Variants in FAM193A observed in about 807,000 individuals in gnomAD.
FAM193A encodes the protein protein FAM193A.
FAM193A carries 22 observed loss-of-function variants against 126.5 expected under a neutral mutation model. The observed-to-expected ratio is 0.17, with a 90% CI of 0.12 to 0.25. The LOEUF (loss-of-function observed/expected upper bound fraction) is 0.25, where lower values mean the gene tolerates loss of function less well. Ranked by LOEUF, FAM193A falls within the 10% of genes least tolerant of loss-of-function variation. The pLI is 1.00. For missense variants in FAM193A, 1,675 were observed against 1,672.8 expected (o/e 1.00, Z -0.02); for synonymous variants, 761 against 646.8 (o/e 1.18, Z -2.68).
At chr4:2,594,206 C>T (rs1740721743) in intron 1 of FAM193A, among the ~76,000 whole-genome samples, 1 of 152,194 alleles carries the variant, frequency 6.6e-6, no homozygotes, top group African/African-American at 2.4e-5. Context: ...TTTATACATT[C>T]AGCCCCTTGT....
rs548458505 is a variant in FAM193A, at chr4:2,651,174, T to C, written c.1311+4342T>C. On this transcript the variant is annotated intron_variant, in intron 7 of 20. Transcript: ENST00000637812. Reference sequence around the variant, plus strand: ...GGAGAAACCCCGTCTCTACTAAAAATACAAAATTAGCCGAGCGTGGTGGCA... The same window carrying C: ...GGAGAAACCCCGTCTCTACTAAAAACACAAAATTAGCCGAGCGTGGTGGCA... Among the ~76,000 whole-genome samples, 41 of 152,162 alleles carry C rather than the reference T, an allele frequency of 2.7e-4. 1 individual carries two copies. In the South Asian group the frequency reaches 7.3e-3, roughly 27 times the overall value.
chr4:2,655,582 C>G (rs1404614368), intron 7 of FAM193A, among the ~76,000 whole-genome samples: 1 of 152,086 alleles, frequency 6.6e-6, no homozygotes, highest in Non-Finnish European at 1.5e-5. Context: ...GGCTCAAGCT[C>G]TCCTCCCACT....
intron 1 of FAM193A, among the ~76,000 whole-genome samples, chr4:2,571,369 G>T (rs371156366): frequency 6.6e-6 from 1 of 152,112 alleles, no homozygotes; most frequent in Non-Finnish European, 1.5e-5. Flanking sequence ...CCAGCAGCTC[G>T]GAGACTGGTA....
rs565008953 is a variant in FAM193A at position 2,639,497 on chromosome 4, C to A, written c.1039-238C>A. Among the ~76,000 whole-genome samples the A allele has an allele frequency of 1.6e-4, 25 of 152,136 alleles. No individual in the cohort carries two copies. The East Asian group carries it at 4.6e-3, about 28-fold the overall frequency. ...GTCTTTGCAGCCCTTCTAAACTTGCCATTTTAGAGGGGAGATGTGCTGAAA... is the reference window on the plus strand; with the variant it reads ...GTCTTTGCAGCCCTTCTAAACTTGCAATTTTAGAGGGGAGATGTGCTGAAA... On this transcript the variant is annotated intron_variant, in intron 5 of 20. Coordinates refer to ENST00000637812, the MANE Select transcript of FAM193A (RefSeq NM_001366318.2).
chr4:2,642,344 G>A (rs1357687536), intron 6 of FAM193A, among the ~76,000 whole-genome samples: 1 of 152,020 alleles, frequency 6.6e-6, no homozygotes, highest in Non-Finnish European at 1.5e-5. Flanking sequence ...GTTACGGGGC[G>A]TGTGGCCAGC....
At chr4:2,695,827 G>C (rs1294066119) in intron 17 of FAM193A, among the ~76,000 whole-genome samples, 2 of 152,134 alleles carry the variant, frequency 1.3e-5, no homozygotes, top group Non-Finnish European at 2.9e-5. Flanking sequence ...GCAGCACTTT[G>C]GGAGGCTAAG....
intron 5 of FAM193A, among the ~76,000 whole-genome samples, chr4:2,636,068 A>G (rs978707045): frequency 6.9e-6 from 1 of 144,518 alleles, no homozygotes; most frequent in South Asian, 2.2e-4. Context: ...GTTTTTTTTG[A>G]GACAGAGTCT....
chr4:2,714,912 AC>A (rs1226647962), intron 19 of FAM193A, among the ~76,000 whole-genome samples: 1 of 151,390 alleles, frequency 6.6e-6, no homozygotes, highest in Non-Finnish European at 1.5e-5. Flanking sequence ...CACCCCCCCA[AC>A]CCCGCCCCAG....
At chr4:2,540,657 A>C (rs1737177199) in intron 1 of FAM193A, among the ~76,000 whole-genome samples, 2 of 151,768 alleles carry the variant, frequency 1.3e-5, no homozygotes, top group Non-Finnish European at 2.9e-5. Flanking sequence ...CAAAAAAACA[A>C]ACGAACAAAA....
chr4:2,633,920 G>T (rs1046919819), intron 5 of FAM193A, among the ~76,000 whole-genome samples: 1 of 152,150 alleles, frequency 6.6e-6, no homozygotes, highest in Admixed American at 6.5e-5. Context: ...CTTTTAAAGT[G>T]TATGGCTGAG....
intron 2 of FAM193A, among the ~76,000 whole-genome samples, chr4:2,621,214 A>G (rs1742527908): frequency 6.6e-6 from 1 of 152,144 alleles, no homozygotes; most frequent in Admixed American, 6.6e-5. Context: ...CCCTCCACCC[A>G]TAGGACCACA....
rs145082437 is a variant in FAM193A, at chr4:2,703,365, G to A, written c.4372+2821G>A. 1.1e-4 allele frequency among the ~76,000 whole-genome samples: 16 copies of A among 152,184 alleles called. No individual in the cohort carries two copies. In the East Asian group the frequency reaches 3.1e-3, roughly 29 times the overall value. On this transcript the variant is annotated intron_variant, in intron 19 of 20. Transcript: ENST00000637812. ...AGGTTGAAGCAATTCTCCCACCTCA[G>A]CCTCCCAAGTAGCTGAAATTACAGG...
chr4:2,706,604 A>T (rs1272283070), intron 19 of FAM193A, among the ~76,000 whole-genome samples: 1 of 151,920 alleles, frequency 6.6e-6, no homozygotes, highest in Non-Finnish European at 1.5e-5. Context: ...CCTGTCCTAC[A>T]GTAAATTTCA....
At chr4:2,673,625 A>G (rs1472919328) in intron 13 of FAM193A, among the ~76,000 whole-genome samples, 2 of 152,102 alleles carry the variant, frequency 1.3e-5, no homozygotes, top group Non-Finnish European at 2.9e-5. Context: ...GAACCAGGCT[A>G]TCTTCATGGT....
intron 1 of FAM193A, among the ~76,000 whole-genome samples, chr4:2,583,199 C>T (rs1740051120): frequency 6.6e-6 from 1 of 152,218 alleles, no homozygotes; most frequent in Non-Finnish European, 1.5e-5. Context: ...GTGCCAAACT[C>T]CTGACCTCAG....
At chr4:2,721,311 TCAAAA>T (rs1378975323) in intron 20 of FAM193A, among the ~76,000 whole-genome samples, 247 of 29,228 alleles carry the variant, frequency 8.5e-3, no homozygotes, top group African/African-American at 0.028. Flanking sequence ...AGACTCCGTC[TCAAAA>T]AAAAAAAAAA....
intron 20 of FAM193A, among the ~76,000 whole-genome samples, chr4:2,729,439 CG>C (rs1721130562): frequency 1.3e-5 from 2 of 152,164 alleles, no homozygotes; most frequent in South Asian, 4.1e-4. Flanking sequence ...CATCAGAGGC[CG>C]GATGGGGCAC....
At chr4:2,708,523 C>T (rs1434502794) in intron 19 of FAM193A, among the ~76,000 whole-genome samples, 1 of 151,104 alleles carries the variant, frequency 6.6e-6, no homozygotes, top group Non-Finnish European at 1.5e-5. Context: ...AGTGCAGTGG[C>T]GCGATCTTGG....
At chr4:2,660,131 C>A (rs1224861889) in intron 10 of FAM193A, 77 bp downstream of exon 10, 4 of 1,445,650 alleles carry the variant, frequency 2.8e-6, no homozygotes, top group Non-Finnish European at 3.8e-6. Flanking sequence ...GTAATGTCCA[C>A]AGAAGTATGA....
Sources: gnomAD v4.1 joint callset for allele counts (sites outside exome capture counted in the v4.1 genomes callset) on GRCh38, gnomAD v4.1.1 for gene constraint, MANE v1.5 for transcripts, NCBI Gene and HGNC (gene_info 2026-07-23, HGNC 2026-07-21) for gene names.